The following ANKS1B variants were observed in gnomAD, a reference collection of about 807,000 sequenced individuals.
ANKS1B encodes ankyrin repeat and sterile alpha motif domain containing 1B, also known as ankyrin repeat and sterile alpha motif domain-containing protein 1B.
Under a neutral mutation model 148.3 loss-of-function variants are expected in ANKS1B, and 36 were observed. The observed-to-expected ratio is 0.24, with a 90% CI of 0.19 to 0.32. The LOEUF (loss-of-function observed/expected upper bound fraction) is 0.32. Ranked by LOEUF, ANKS1B falls within the 10% of genes least tolerant of loss-of-function variation. The pLI, the probability that ANKS1B is intolerant of heterozygous loss-of-function variation, is 1.00. For missense variants in ANKS1B, 1,157 were observed against 1,542.6 expected (o/e 0.75, Z 4.19); for synonymous variants, 542 against 560.8 (o/e 0.97, Z 0.47).
At chr12:98,983,165 C>G (rs1209733271) in intron 17 of ANKS1B, among the ~76,000 whole-genome samples, 2 of 152,164 alleles carry the variant, frequency 1.3e-5, no homozygotes, top group Non-Finnish European at 2.9e-5. Flanking sequence ...GGGGTCTCAC[C>G]AGTCTAAAAT....
chr12:99,978,701 C>G (rs1481243129), intron 1 of ANKS1B, among the ~76,000 whole-genome samples: 4 of 152,128 alleles, frequency 2.6e-5, no homozygotes, highest in Non-Finnish European at 5.9e-5. Flanking sequence ...TCTGTTATCT[C>G]CCTGTATTCA....
chr12:99,115,909 G>A (rs1476276564), intron 15 of ANKS1B, among the ~76,000 whole-genome samples: 11 of 137,506 alleles, frequency 8.0e-5, no homozygotes. Flanking sequence ...TCCAGCCTAG[G>A]CAACAAGAGC....
chr12:99,293,172 TA>T (rs1566826253), intron 12 of ANKS1B, among the ~76,000 whole-genome samples: 2 of 151,980 alleles, frequency 1.3e-5, no homozygotes, highest in Admixed American at 6.6e-5. Context: ...TATGCAGCCA[TA>T]AAAAAGGGTG....
chr12:99,467,924 A>T (rs2096158531), intron 10 of ANKS1B, among the ~76,000 whole-genome samples: 2 of 152,176 alleles, frequency 1.3e-5, no homozygotes, highest in African/African-American at 4.8e-5. Flanking sequence ...TCTTCACATA[A>T]TTGGAAAAAA....
chr12:99,438,753 T>C (rs1226027984), intron 11 of ANKS1B, among the ~76,000 whole-genome samples: 4 of 151,924 alleles, frequency 2.6e-5, no homozygotes, highest in African/African-American at 4.8e-5. Context: ...AATAAACTGA[T>C]AGCCTACATT....
intron 17 of ANKS1B, among the ~76,000 whole-genome samples, chr12:99,040,292 G>T (rs1030269747): frequency 1.1e-4 from 16 of 152,050 alleles, no homozygotes; most frequent in African/African-American, 3.9e-4. Context: ...GTGTGTGTGT[G>T]TGTGTATAGT....
chr12:99,571,997 A>T (rs1196241713), intron 9 of ANKS1B, among the ~76,000 whole-genome samples: 2 of 152,236 alleles, frequency 1.3e-5, no homozygotes, highest in South Asian at 4.1e-4. Context: ...TCCTATAGGA[A>T]ACATGACAGG....
At chr12:98,995,084 GGTTT>G (rs1401774185) in intron 17 of ANKS1B, among the ~76,000 whole-genome samples, 1 of 152,082 alleles carries the variant, frequency 6.6e-6, no homozygotes, top group Non-Finnish European at 1.5e-5. Flanking sequence ...CAGCACATGT[GGTTT>G]GTGTTTCAAA....
At chr12:99,813,243 A>G (rs919761239) in intron 2 of ANKS1B, among the ~76,000 whole-genome samples, 8 of 151,708 alleles carry the variant, frequency 5.3e-5, no homozygotes, top group Admixed American at 4.0e-4. Context: ...ATTAATAATT[A>G]TTAGCATAAA....
Position 99,263,151 on chromosome 12 carries a change from G to T in ANKS1B, c.1757-16287C>A, listed in dbSNP as rs533819216. On this transcript the variant is annotated intron_variant, in intron 12 of 26. Transcript: ENST00000683438. ...CTTAGATGTTAAGTAACCAATCAGG[G>T]TTACAGGGTTACTAAGTAGTGGAGA... Among the ~76,000 whole-genome samples, 277 of 152,056 alleles carry T rather than the reference G, an allele frequency of 1.8e-3. 2 individuals carry two copies. Among genetic ancestry groups the T allele is most frequent in the African/African-American group, 5.7e-3 (236 of 41,488 alleles).
At position 99,955,999 on chromosome 12, in the gene ANKS1B, G is replaced by C. The variant is rs570542736; in HGVS notation, c.134+28105C>G. ...ATAAAAGTACATGGGATGAGGCTGG[G>C]TGCCATGGCTCATGCCTGTAGTCTC... On this transcript the variant is annotated intron_variant, in intron 1 of 26. Coordinates refer to ENST00000683438, the MANE Select transcript of ANKS1B (RefSeq NM_001352186.2). Among the ~76,000 whole-genome samples the C allele has an allele frequency of 1.5e-3, 222 of 152,250 alleles. 1 individual carries two copies. Among genetic ancestry groups the C allele is most frequent in the African/African-American group, 5.0e-3 (209 of 41,564 alleles).
At chr12:98,758,087 T>C (rs2098304565) in intron 25 of ANKS1B, among the ~76,000 whole-genome samples, 1 of 152,186 alleles carries the variant, frequency 6.6e-6, no homozygotes, top group Admixed American at 6.5e-5. Flanking sequence ...TAATGGCTAA[T>C]AATATTATTT....
chr12:99,422,398 C>A (rs1192993406), intron 11 of ANKS1B, among the ~76,000 whole-genome samples: 1 of 152,170 alleles, frequency 6.6e-6, no homozygotes. Flanking sequence ...GGTGAAAAGT[C>A]CTATGAAGAA....
At chr12:98,820,353 C>T (rs990292008) in intron 19 of ANKS1B, among the ~76,000 whole-genome samples, 5 of 152,160 alleles carry the variant, frequency 3.3e-5, no homozygotes, top group African/African-American at 7.2e-5. Flanking sequence ...CTGGCTCTGA[C>T]GATGATGCCG....
chr12:99,703,369 C>T (rs1196385229), intron 8 of ANKS1B, among the ~76,000 whole-genome samples: 1 of 152,102 alleles, frequency 6.6e-6, no homozygotes, highest in African/African-American at 2.4e-5. Flanking sequence ...ATTCTGTGTG[C>T]TTCAAATCTT....
chr12:99,959,227 A>AT (rs71088166), intron 1 of ANKS1B, among the ~76,000 whole-genome samples: 19,915 of 99,922 alleles, frequency 0.2, 2,152 homozygotes, highest in African/African-American at 0.24. Flanking sequence ...CACCCAGTTA[A>AT]TTTTTTTTTT....
At chr12:99,281,735 A>G (rs1186259005) in intron 12 of ANKS1B, among the ~76,000 whole-genome samples, 1 of 152,220 alleles carries the variant, frequency 6.6e-6, no homozygotes, top group Non-Finnish European at 1.5e-5. Context: ...ATAGAGAAGT[A>G]GAATTGTATA....
intron 17 of ANKS1B, among the ~76,000 whole-genome samples, chr12:98,963,785 G>A (rs1301638506): frequency 6.6e-6 from 1 of 152,086 alleles, no homozygotes; most frequent in Non-Finnish European, 1.5e-5. Context: ...GAACGTATAA[G>A]GAACCCAAGA....
At chr12:99,094,608 A>T (rs988858029) in intron 15 of ANKS1B, among the ~76,000 whole-genome samples, 4 of 151,610 alleles carry the variant, frequency 2.6e-5, no homozygotes, top group Non-Finnish European at 5.9e-5. Flanking sequence ...TAACTGTGAG[A>T]AGAGCTGTTA....
Sources: gnomAD v4.1 joint callset for allele counts (sites outside exome capture counted in the v4.1 genomes callset) on GRCh38, gnomAD v4.1.1 for gene constraint, MANE v1.5 for transcripts, NCBI Gene and HGNC (gene_info 2026-07-23, HGNC 2026-07-21) for gene names.